REST: variants seen among roughly 807,000 people sequenced by gnomAD.
REST encodes the protein RE1 silencing transcription factor.
REST carries 1 observed loss-of-function variant against 30.4 expected under a neutral mutation model. That is an observed-to-expected ratio of 0.03 (90% CI 0.01 to 0.16). The LOEUF (loss-of-function observed/expected upper bound fraction) is 0.16. Ranked by LOEUF, REST falls within the 10% of genes least tolerant of loss-of-function variation. The probability of loss-of-function intolerance (pLI) is 1.00; values close to 1 mark genes in which losing one functional copy is unlikely to be tolerated. For missense variants in REST, 1,259 were observed against 1,329.5 expected, an observed-to-expected ratio of 0.95 and a Z score of 0.82; for synonymous variants, 504 against 451.1, an observed-to-expected ratio of 1.12 and a Z score of -1.49.
chr4:56,910,604 C>T (rs1560441568), intron 1 of REST, 26 bp from the exon 2 acceptor site: 1 of 1,556,914 alleles, frequency 6.4e-7, no homozygotes, highest in African/African-American at 1.4e-5. Flanking sequence ...AACTGGTGCT[C>T]TTGTTTTGTT....
At chr4:56,909,973 C>T (rs1719821809) in intron 1 of REST, among the ~76,000 whole-genome samples, 1 of 152,202 alleles carries the variant, frequency 6.6e-6, no homozygotes, top group Non-Finnish European at 1.5e-5. Context: ...ATAAATCAAA[C>T]TTCCTTTTTC....
intron 2 of REST, 158 bp downstream of exon 2, chr4:56,911,694 A>G: frequency 1.6e-6 from 1 of 623,028 alleles, no homozygotes. Context: ...CTCTTTGTTC[A>G]GAAATTTCTC....
At chr4:56,929,729 A>T in intron 3 of REST, 112 bp from the exon 4 acceptor site, 2 of 877,330 alleles carry the variant, frequency 2.3e-6, no homozygotes, top group Non-Finnish European at 3.5e-6. Flanking sequence ...AAGGTGCATG[A>T]TACAGCATTT....
At chr4:56,921,630 G>A (rs1402345640) in intron 3 of REST, among the ~76,000 whole-genome samples, 1 of 152,036 alleles carries the variant, frequency 6.6e-6, no homozygotes, top group Non-Finnish European at 1.5e-5. Context: ...GCTTGGTCTC[G>A]AACTCCTGGC....
chr4:56,923,520 T>A (rs1720545270), intron 3 of REST, among the ~76,000 whole-genome samples: 1 of 152,108 alleles, frequency 6.6e-6, no homozygotes, highest in Non-Finnish European at 1.5e-5. Context: ...CTCGGCTCAC[T>A]GCAACTTCTA....
chr4:56,915,515 T>G (rs1720157686), intron 2 of REST, among the ~76,000 whole-genome samples: 1 of 151,792 alleles, frequency 6.6e-6, no homozygotes, highest in Non-Finnish European at 1.5e-5. Flanking sequence ...CTCAAGGTGC[T>G]GGAATTACAA....
chr4:56,910,895 A>G lies in REST; in HGVS notation c.257A>G (p.Asp86Gly). Residue 86 changes from aspartate to glycine, a missense_variant, in exon 2 of 4, where the codon GAT becomes GGT. By Grantham distance (94) the Asp-to-Gly change is moderately conservative (BLOSUM62 -1). This residue lies in a region of REST where 249 missense variants were observed against 251.5 expected (regional missense o/e 0.99). Transcript: ENST00000309042. Reference sequence around the variant, plus strand: ...CCGGTTGGGGATAACAACTTTTCAGATAGTGAAGAAGGAGAAGGACTTGAA... The same window carrying G: ...CCGGTTGGGGATAACAACTTTTCAGGTAGTGAAGAAGGAGAAGGACTTGAA... ...LMPVGDNNFSDSEEGEGLEES... is the reference protein window; with the variant it reads ...LMPVGDNNFSGSEEGEGLEES... 6.2e-7 allele frequency: 1 copy of G among 1,614,202 alleles called. No homozygotes were observed.
At chr4:56,918,072 T>G (rs1720286955) in intron 2 of REST, among the ~76,000 whole-genome samples, 1 of 146,532 alleles carries the variant, frequency 6.8e-6, no homozygotes, top group South Asian at 2.1e-4. Context: ...AAAAAAAGGC[T>G]TGTTTTGTTG....
At chr4:56,926,289 G>A (rs1303447033) in intron 3 of REST, among the ~76,000 whole-genome samples, 3 of 151,970 alleles carry the variant, frequency 2.0e-5, no homozygotes, top group Admixed American at 6.6e-5. Flanking sequence ...TCCGGCTCCT[G>A]GTCTCCAACT....
chr4:56,931,641 C>G lies in REST; in HGVS notation c.2783C>G (p.Thr928Arg). 1 of 1,614,194 alleles carries G rather than the reference C, an allele frequency of 6.2e-7. No individual in the cohort carries two copies. The highest frequency in any genetic ancestry group is 1.1e-5 in the South Asian group (1 of 91,086). The part of the protein sequence containing the change: ...HISSSGQNLN[T>R]PEGETLNGKH... Reference sequence around the variant, plus strand: ...TCATCCTCTGGACAAAACTTGAATACGCCAGAGGGTGAAACTTTAAATGGT... The same window carrying G: ...TCATCCTCTGGACAAAACTTGAATAGGCCAGAGGGTGAAACTTTAAATGGT... The change falls in exon 4 of 4, where the codon ACG (threonine) becomes AGG (arginine). Residue 928 changes from threonine to arginine, a missense_variant. By Grantham distance (71) the Thr-to-Arg change is moderately conservative (BLOSUM62 -1). Coordinates refer to ENST00000309042, the MANE Select transcript of REST (RefSeq NM_005612.5).
At chr4:56,913,639 G>A (rs1284291919) in intron 2 of REST, among the ~76,000 whole-genome samples, 1 of 151,996 alleles carries the variant, frequency 6.6e-6, no homozygotes, top group Non-Finnish European at 1.5e-5. Context: ...TGGAGTGGTA[G>A]ACTTAATTTT....
Position 56,933,625 on chromosome 4 carries a change from T to C in REST, c.*1473T>C, listed in dbSNP as rs1721050538. ...TCTATAGGTGAGGCCTCAAATGAAT[T>C]GCAGCTATCCTGGTGTTCCTATGAG... On this transcript the variant is annotated 3_prime_UTR_variant, in exon 4 of 4. Transcript: ENST00000309042. The C allele has an allele frequency of 6.6e-6, 1 of 152,182 alleles. No individual in the cohort carries two copies. The highest frequency in any genetic ancestry group is 6.5e-5 in the Admixed American group (1 of 15,274). The allele number at this position is 152,182 out of a possible 1,614,324, so 9.4% of individuals were successfully genotyped here.
intron 3 of REST, chr4:56,927,643 T>C: frequency 1.6e-6 from 2 of 1,235,806 alleles, no homozygotes; most frequent in Non-Finnish European, 1.0e-6. Flanking sequence ...TGGTAATATT[T>C]ACTAGAGTGT....
In REST at chr4:56,910,659, G is replaced by T; in HGVS notation, c.21G>T (p.Gly7=). 2 of 1,611,502 alleles carry T rather than the reference G, an allele frequency of 1.2e-6. No homozygotes were observed. Among genetic ancestry groups the T allele is most frequent in the Non-Finnish European group, 1.7e-6 (2 of 1,178,042 alleles). The change falls in exon 2 of 4, where the codon GGG becomes GGT. Residue 7 remains glycine (G), a synonymous_variant. Transcript: ENST00000309042. MATQVM[G]QSSGGGGLFT... ...CAGTTATGGCCACCCAGGTAATGGG[G>T]CAGTCTTCTGGAGGAGGAGGGCTGT...
chr4:56,921,529 C>CCT (rs1321318686), intron 3 of REST, among the ~76,000 whole-genome samples: 2 of 152,132 alleles, frequency 1.3e-5, no homozygotes, highest in African/African-American at 4.8e-5. Context: ...CATGCCTCAG[C>CCT]CTCCCCAGTA....
At position 56,933,311 on chromosome 4, in the gene REST, A is replaced by G. The variant is rs888153582; in HGVS notation, c.*1159A>G. On this transcript the variant is annotated 3_prime_UTR_variant, in exon 4 of 4. Transcript: ENST00000309042. ...GTTGGTGTTCATATGGCTACTTTACAATAAAGAGAACTGTAAGTGATATTT... is the reference window on the plus strand; with the variant it reads ...GTTGGTGTTCATATGGCTACTTTACGATAAAGAGAACTGTAAGTGATATTT... 2.0e-5 allele frequency: 3 copies of G among 152,196 alleles called. No individual in the cohort carries two copies. Among genetic ancestry groups the G allele is most frequent in the African/African-American group, 7.2e-5 (3 of 41,448 alleles). The allele number at this position is 152,196 out of a possible 1,614,324, so 9.4% of individuals were successfully genotyped here. A position where few individuals can be genotyped will look rare whatever the true frequency, so the allele number is the denominator to read the frequency against.
intron 3 of REST, among the ~76,000 whole-genome samples, chr4:56,920,453 C>G (rs1720396480): frequency 6.6e-6 from 1 of 151,522 alleles, no homozygotes; most frequent in Non-Finnish European, 1.5e-5. Flanking sequence ...GAAACAATCA[C>G]CATCACCACT....
intron 2 of REST, among the ~76,000 whole-genome samples, chr4:56,914,093 C>G (rs938129028): frequency 2.0e-5 from 3 of 151,966 alleles, no homozygotes; most frequent in Non-Finnish European, 4.4e-5. Flanking sequence ...GCCACCACAC[C>G]TGGCTGATAT....
chr4:56,914,462 A>G (rs1578490518), intron 2 of REST, among the ~76,000 whole-genome samples: 1 of 152,294 alleles, frequency 6.6e-6, no homozygotes, highest in East Asian at 1.9e-4. Flanking sequence ...GCTGTGATTG[A>G]TTGTCTCGAT....
Sources: allele counts gnomAD v4.1 joint callset (sites outside exome capture counted in the v4.1 genomes callset), GRCh38; gene constraint gnomAD v4.1.1; regional missense constraint gnomAD v4.1.1; transcripts MANE v1.5; gene names NCBI Gene and HGNC (gene_info 2026-07-23, HGNC 2026-07-21).